HHIP: variants seen among roughly 807,000 people sequenced by gnomAD.
HHIP encodes the protein hedgehog-interacting protein.
HHIP carries 12 observed loss-of-function variants against 74.0 expected under a neutral mutation model. The ratio of observed to expected loss-of-function variants is 0.16; its 90% CI spans 0.10 to 0.26. The LOEUF (loss-of-function observed/expected upper bound fraction) is 0.26, where lower values mean the gene tolerates loss of function less well. HHIP is among the 10% of genes least tolerant of loss of function. The probability of loss-of-function intolerance (pLI) is 1.00; values close to 1 mark genes in which losing one functional copy is unlikely to be tolerated. For synonymous variants in HHIP, 309 were observed against 311.6 expected, an observed-to-expected ratio of 0.99 and a Z score of 0.09; for missense variants, 788 against 845.0, an observed-to-expected ratio of 0.93 and a Z score of 0.84.
At chr4:144,705,653 T>C (rs1342302281) in intron 4 of HHIP, among the ~76,000 whole-genome samples, 1 of 152,226 alleles carries the variant, frequency 6.6e-6, no homozygotes, top group Non-Finnish European at 1.5e-5. Flanking sequence ...ATATTGAATT[T>C]CAACAAGTTG....
chr4:144,680,013 G>T lies in HHIP; in HGVS notation c.831+20175G>T, dbSNP rs372631229. 2.8e-4 allele frequency among the ~76,000 whole-genome samples: 43 copies of T among 152,190 alleles called. 2 individuals are homozygous for T. In the East Asian group the frequency reaches 7.9e-3, roughly 28 times the overall value. ...TGGAAAGATTTTAAATTAGTCATTT[G>T]TTTTCTCATTGACAGTCTTTGTTAT... On this transcript the variant is annotated intron_variant, in intron 4 of 12. Transcript: ENST00000296575.
At chr4:144,696,577 T>C (rs1047995918) in intron 4 of HHIP, among the ~76,000 whole-genome samples, 9 of 151,898 alleles carry the variant, frequency 5.9e-5, no homozygotes, top group Non-Finnish European at 1.2e-4. Flanking sequence ...CATTTCTTCA[T>C]TTAGGAAGTA....
chr4:144,732,011 G>A (rs150913272), intron 11 of HHIP, among the ~76,000 whole-genome samples: 112 of 152,210 alleles, frequency 7.4e-4, no homozygotes, highest in African/African-American at 2.6e-3. Context: ...CCTGAAGAGC[G>A]CAGTACTTGC....
At chr4:144,673,184 G>A (rs963725828) in intron 4 of HHIP, among the ~76,000 whole-genome samples, 2 of 152,192 alleles carry the variant, frequency 1.3e-5, no homozygotes, top group African/African-American at 4.8e-5. Context: ...TAAAATGAGA[G>A]GATCATTAAT....
intron 4 of HHIP, among the ~76,000 whole-genome samples, chr4:144,672,333 T>G (rs1375096167): frequency 6.6e-6 from 1 of 152,158 alleles, no homozygotes. Context: ...TAACTCAACA[T>G]GTAGTGAGAT....
At chr4:144,655,656 G>A (rs991300145) in intron 2 of HHIP, among the ~76,000 whole-genome samples, 2 of 152,054 alleles carry the variant, frequency 1.3e-5, no homozygotes, top group African/African-American at 4.8e-5. Context: ...GTCCCAAGGA[G>A]AGTAAACCAG....
intron 1 of HHIP, chr4:144,650,745 T>C (rs1243010500): frequency 6.6e-6 from 1 of 152,122 alleles, no homozygotes; most frequent in Non-Finnish European, 1.5e-5. Flanking sequence ...AGAATAATAT[T>C]ATACTTGATT....
intron 11 of HHIP, among the ~76,000 whole-genome samples, chr4:144,726,923 T>C (rs956542979): frequency 2.0e-5 from 3 of 152,328 alleles, no homozygotes; most frequent in Non-Finnish European, 2.9e-5. Flanking sequence ...TAATCTCTCC[T>C]GAAGCGACCT....
At chr4:144,657,393 A>G (rs913475721) in intron 2 of HHIP, among the ~76,000 whole-genome samples, 2 of 152,190 alleles carry the variant, frequency 1.3e-5, no homozygotes, top group African/African-American at 4.8e-5. Context: ...TATGTTTATC[A>G]CAAAATTGAT....
intron 4 of HHIP, among the ~76,000 whole-genome samples, chr4:144,705,160 C>A (rs1011429306): frequency 6.6e-6 from 1 of 152,116 alleles, no homozygotes; most frequent in East Asian, 1.9e-4. Flanking sequence ...GTGATCTATA[C>A]CTAAAAACAG....
Position 144,658,906 on chromosome 4 carries a change from G to A in HHIP, c.589G>A (p.Asp197Asn), listed in dbSNP as rs200366157. The A allele has an allele frequency of 1.9e-6, 3 of 1,613,112 alleles. No individual in the cohort carries two copies. Among genetic ancestry groups the A allele is most frequent in the Non-Finnish European group, 2.5e-6 (3 of 1,179,502 alleles). ...CAGAGGACCAGCATCTAACTACTTGGACCAGATGGAAGAATATGACAAAGT... is the reference window on the plus strand; with the variant it reads ...CAGAGGACCAGCATCTAACTACTTGAACCAGATGGAAGAATATGACAAAGT... ...QVRGPASNYL[D>N]QMEEYDKVEE... The change falls in exon 3 of 13, where the codon GAC becomes AAC. Residue 197 changes from aspartate to asparagine, a missense_variant. Physicochemically the swap from Asp to Asn is conservative, Grantham distance 23. Transcript: ENST00000296575.
intron 4 of HHIP, among the ~76,000 whole-genome samples, chr4:144,694,853 G>A (rs555269027): frequency 6.6e-6 from 1 of 151,784 alleles, no homozygotes; most frequent in South Asian, 2.1e-4. Context: ...GAAATAATAA[G>A]TCCATTTTAT....
chr4:144,723,902 A>G (rs1730715952), intron 11 of HHIP, among the ~76,000 whole-genome samples: 1 of 152,208 alleles, frequency 6.6e-6, no homozygotes, highest in Non-Finnish European at 1.5e-5. Flanking sequence ...TATCATCATT[A>G]TTCTATGTAT....
At chr4:144,662,726 G>C (rs547909160) in intron 4 of HHIP, among the ~76,000 whole-genome samples, 1 of 152,272 alleles carries the variant, frequency 6.6e-6, no homozygotes, top group Non-Finnish European at 1.5e-5. Flanking sequence ...CACATGCAGC[G>C]TTGTTATTGT....
At chr4:144,726,235 T>A (rs1331091245) in intron 11 of HHIP, among the ~76,000 whole-genome samples, 1 of 152,160 alleles carries the variant, frequency 6.6e-6, no homozygotes, top group African/African-American at 2.4e-5. Context: ...CCTAATTATT[T>A]AGTTTTTATT....
chr4:144,737,299 A>G (rs1731146816), intron 12 of HHIP, among the ~76,000 whole-genome samples: 1 of 152,140 alleles, frequency 6.6e-6, no homozygotes, highest in African/African-American at 2.4e-5. Context: ...CACCCAACCA[A>G]AATCCAAAAC....
chr4:144,662,724 G>A (rs531942352), intron 4 of HHIP, among the ~76,000 whole-genome samples: 1 of 152,174 alleles, frequency 6.6e-6, no homozygotes, highest in South Asian at 2.1e-4. Context: ...TGCACATGCA[G>A]CGTTGTTATT....
At chr4:144,679,850 T>G (rs1166226547) in intron 4 of HHIP, among the ~76,000 whole-genome samples, 1 of 152,238 alleles carries the variant, frequency 6.6e-6, no homozygotes, top group Non-Finnish European at 1.5e-5. Flanking sequence ...CTCATGAGTC[T>G]ATTAGTGTGC....
chr4:144,678,688 C>T (rs1560702906), intron 4 of HHIP, among the ~76,000 whole-genome samples: 1 of 152,098 alleles, frequency 6.6e-6, no homozygotes, highest in South Asian at 2.1e-4. Flanking sequence ...TGATGGTTTC[C>T]AGCTTCATCC....
Sources: allele counts gnomAD v4.1 joint callset (sites outside exome capture counted in the v4.1 genomes callset), GRCh38; gene constraint gnomAD v4.1.1; transcripts MANE v1.5; gene names NCBI Gene and HGNC (gene_info 2026-07-23, HGNC 2026-07-21).